Variants in KCNQ5 observed in about 807,000 individuals in gnomAD.
KCNQ5 encodes potassium voltage-gated channel subfamily Q member 5, also known as potassium voltage-gated channel subfamily KQT member 5.
A neutral mutation model predicts 98.2 loss-of-function variants in KCNQ5; 30 were observed. That is an observed-to-expected ratio of 0.31 (90% CI 0.23 to 0.41). The LOEUF (loss-of-function observed/expected upper bound fraction) is 0.41. Ranked by LOEUF, KCNQ5 falls within the 10% of genes least tolerant of loss-of-function variation. The probability of loss-of-function intolerance (pLI) is 1.00; values close to 1 mark genes in which losing one functional copy is unlikely to be tolerated. For synonymous variants in KCNQ5, 458 were observed against 449.4 expected, an observed-to-expected ratio of 1.02 and a Z score of -0.24; for missense variants, 835 against 1,182.5, an observed-to-expected ratio of 0.71 and a Z score of 4.31.
intron 1 of KCNQ5, among the ~76,000 whole-genome samples, chr6:72,943,584 G>A (rs1204309226): frequency 6.6e-6 from 1 of 152,204 alleles, no homozygotes; most frequent in Non-Finnish European, 1.5e-5. Flanking sequence ...AATTCTAGGA[G>A]TAGTTTATTA....
At chr6:72,642,643 C>G (rs1034661499) in intron 1 of KCNQ5, among the ~76,000 whole-genome samples, 52 of 152,242 alleles carry the variant, frequency 3.4e-4, no homozygotes, top group African/African-American at 1.2e-3. Context: ...AAAGGGAACT[C>G]TCATAACCTG....
At chr6:73,103,867 A>G (rs942711225) in intron 5 of KCNQ5, among the ~76,000 whole-genome samples, 7 of 152,188 alleles carry the variant, frequency 4.6e-5, no homozygotes, top group African/African-American at 1.7e-4. Flanking sequence ...GTATAATTGG[A>G]TTATTTGTAA....
chr6:72,678,049 C>T (rs1767507446), intron 1 of KCNQ5, among the ~76,000 whole-genome samples: 1 of 152,088 alleles, frequency 6.6e-6, no homozygotes, highest in Non-Finnish European at 1.5e-5. Flanking sequence ...GGCCTGTTAG[C>T]ATAAAGGATG....
intron 3 of KCNQ5, among the ~76,000 whole-genome samples, chr6:73,066,656 C>G (rs2150381017): frequency 1.3e-5 from 2 of 152,290 alleles, no homozygotes; most frequent in South Asian, 4.1e-4. Flanking sequence ...TAGAAAGGAT[C>G]CTTGAGACTT....
intron 1 of KCNQ5, among the ~76,000 whole-genome samples, chr6:72,625,691 A>C (rs1468854516): frequency 6.6e-6 from 1 of 152,246 alleles, no homozygotes; most frequent in African/African-American, 2.4e-5. Flanking sequence ...AATTATAGAT[A>C]TTAAACAAGG....
intron 1 of KCNQ5, among the ~76,000 whole-genome samples, chr6:72,877,518 A>G (rs148101438): frequency 0.013 from 1,954 of 152,318 alleles, 23 homozygotes; most frequent in Non-Finnish European, 0.02. Flanking sequence ...TAGTGCTGCA[A>G]TAAACATACA....
intron 1 of KCNQ5, among the ~76,000 whole-genome samples, chr6:72,713,903 A>G (rs1328077890): frequency 6.6e-6 from 1 of 152,080 alleles, no homozygotes; most frequent in Non-Finnish European, 1.5e-5. Flanking sequence ...AATACAGTCT[A>G]CCTGGATCCT....
chr6:72,849,143 C>T (rs1444709054), intron 1 of KCNQ5, among the ~76,000 whole-genome samples: 1 of 149,596 alleles, frequency 6.7e-6, no homozygotes, highest in Non-Finnish European at 1.5e-5. Context: ...CACACACACA[C>T]ATATGCACAC....
At chr6:72,825,104 T>C (rs1775932045) in intron 1 of KCNQ5, among the ~76,000 whole-genome samples, 1 of 151,682 alleles carries the variant, frequency 6.6e-6, no homozygotes, top group Non-Finnish European at 1.5e-5. Context: ...TGACTTTTGC[T>C]CTAGAAGAAG....
chr6:72,802,491 G>A (rs1774712787), intron 1 of KCNQ5, among the ~76,000 whole-genome samples: 1 of 152,064 alleles, frequency 6.6e-6, no homozygotes, highest in African/African-American at 2.4e-5. Flanking sequence ...TTAATCTGCA[G>A]ATAAAGTTAA....
intron 1 of KCNQ5, among the ~76,000 whole-genome samples, chr6:72,841,144 T>C (rs1233332234): frequency 6.6e-6 from 1 of 152,188 alleles, no homozygotes; most frequent in Non-Finnish European, 1.5e-5. Context: ...AGCTAAATCC[T>C]ACACCTCTTC....
intron 10 of KCNQ5, among the ~76,000 whole-genome samples, chr6:73,142,904 A>G (rs940970917): frequency 6.6e-5 from 10 of 152,196 alleles, no homozygotes; most frequent in Admixed American, 6.5e-4. Flanking sequence ...CGACAAGAGC[A>G]AGACTCCATC....
intron 1 of KCNQ5, among the ~76,000 whole-genome samples, chr6:72,848,410 A>T (rs956967109): frequency 6.6e-6 from 1 of 152,100 alleles, no homozygotes; most frequent in African/African-American, 2.4e-5. Context: ...ATAGTGATAA[A>T]GTTTACGCAT....
chr6:72,857,120 G>A (rs1347176809), intron 1 of KCNQ5, among the ~76,000 whole-genome samples: 1 of 152,200 alleles, frequency 6.6e-6, no homozygotes, highest in East Asian at 1.9e-4. Flanking sequence ...ATCTGTGCAT[G>A]ACTGCCTTTC....
At chr6:72,746,899 G>C (rs1373894701) in intron 1 of KCNQ5, among the ~76,000 whole-genome samples, 2 of 151,916 alleles carry the variant, frequency 1.3e-5, no homozygotes, top group African/African-American at 4.8e-5. Context: ...AAATAATGAC[G>C]CTCTTTGATT....
intron 3 of KCNQ5, among the ~76,000 whole-genome samples, chr6:73,065,371 G>A (rs546805212): frequency 6.6e-6 from 1 of 152,182 alleles, no homozygotes; most frequent in Non-Finnish European, 1.5e-5. Context: ...ACCAAATCCA[G>A]CTCCTTTACA....
intron 4 of KCNQ5, 109 bp downstream of exon 4, chr6:73,077,606 G>A: frequency 7.4e-7 from 1 of 1,354,054 alleles, no homozygotes; most frequent in South Asian, 1.5e-5. Context: ...GCAGAAAATG[G>A]TTAAAACAAT....
chr6:72,981,044 C>T (rs1019795915), intron 1 of KCNQ5, among the ~76,000 whole-genome samples: 1 of 152,020 alleles, frequency 6.6e-6, no homozygotes, highest in Non-Finnish European at 1.5e-5. Context: ...TTTTGATGTG[C>T]TGCTGATTTG....
At chr6:72,722,383 C>G (rs1435826873) in intron 1 of KCNQ5, among the ~76,000 whole-genome samples, 1 of 152,188 alleles carries the variant, frequency 6.6e-6, no homozygotes, top group Non-Finnish European at 1.5e-5. Context: ...CTAAGTCAAT[C>G]AGAATCTGTG....
Sources: gnomAD v4.1 joint callset for allele counts (sites outside exome capture counted in the v4.1 genomes callset) on GRCh38, gnomAD v4.1.1 for gene constraint, MANE v1.5 for transcripts, NCBI Gene and HGNC (gene_info 2026-07-23, HGNC 2026-07-21) for gene names.